MILR1: variants seen among roughly 807,000 people sequenced by gnomAD.
The protein encoded by MILR1 is mast cell immunoglobulin like receptor 1.
In MILR1, 31 loss-of-function variants were observed where a neutral mutation model predicts 18.5. That is an observed-to-expected ratio of 1.68 (90% CI 1.26 to 2.26). The LOEUF (loss-of-function observed/expected upper bound fraction) is 2.26, where lower values mean the gene tolerates loss of function less well. Among genes scored for constraint, MILR1 ranks in the 30% most tolerant of loss-of-function variants. MILR1 has a pLI of 0.00. For synonymous variants in MILR1, 85 were observed against 56.2 expected (o/e 1.51, Z -2.30); for missense variants, 257 against 157.4 (o/e 1.63, Z -3.38).
At chr17:64,493,800 T>C in the MILR1 span, among the ~76,000 whole-genome samples, 1 of 152,200 alleles carries the variant, frequency 6.6e-6, no homozygotes, top group Non-Finnish European at 1.5e-5. Flanking sequence ...TTTTCAAATC[T>C]ATAAGAAAGT....
At chr17:64,483,081 T>C in the MILR1 span, 1 of 716,966 alleles carries the variant, frequency 1.4e-6, no homozygotes, top group Non-Finnish European at 2.5e-6. Flanking sequence ...AGTTTAAATA[T>C]AACACAAGTA....
At chr17:64,476,010 T>C in the MILR1 span, among the ~76,000 whole-genome samples, 11 of 151,876 alleles carry the variant, frequency 7.2e-5, no homozygotes, top group African/African-American at 2.7e-4. Context: ...TTTCACCATG[T>C]TGGCCAGGCT....
At chr17:64,480,279 C>T in the MILR1 span, 4 of 1,336,242 alleles carry the variant, frequency 3.0e-6, no homozygotes, top group African/African-American at 5.7e-5. Flanking sequence ...AATGAAAATA[C>T]AATTCTTACT....
At chr17:64,467,039 TTTCTTTC>T (rs1223204661) in intron 8 of MILR1, among the ~76,000 whole-genome samples, 1 of 148,416 alleles carries the variant, frequency 6.7e-6, no homozygotes, top group East Asian at 1.9e-4. Flanking sequence ...TCTTTCTTTC[TTTCTTTC>T]TTCTTTCTTT....
intron 3 of MILR1, among the ~76,000 whole-genome samples, chr17:64,455,035 A>G (rs1271086287): frequency 1.3e-5 from 2 of 152,104 alleles, no homozygotes; most frequent in South Asian, 2.1e-4. Context: ...TTTGGACATA[A>G]ACTGAGTATA....
the MILR1 span, among the ~76,000 whole-genome samples, chr17:64,496,141 A>G: frequency 1.2e-4 from 19 of 152,370 alleles, no homozygotes; most frequent in South Asian, 2.9e-3. Context: ...GCACTAAATG[A>G]CAGCACTGTG....
the MILR1 span, chr17:64,481,424 A>C: frequency 1.0e-6 from 1 of 985,340 alleles, no homozygotes; most frequent in African/African-American, 1.7e-5. Context: ...CCCAGACAGA[A>C]ATGACGACTG....
At chr17:64,461,405 A>G (rs1475493928) in intron 5 of MILR1, among the ~76,000 whole-genome samples, 5 of 151,418 alleles carry the variant, frequency 3.3e-5, no homozygotes, top group African/African-American at 1.2e-4. Context: ...CCGCCACCAT[A>G]CCCAGCTAAT....
At chr17:64,480,259 T>C in the MILR1 span, 1 of 993,772 alleles carries the variant, frequency 1.0e-6, no homozygotes, top group Non-Finnish European at 1.6e-6. Context: ...CTTGAATAAA[T>C]ACACTCTTTA....
chr17:64,492,637 C>T, the MILR1 span: 1 of 1,267,286 alleles, frequency 7.9e-7, no homozygotes, highest in East Asian at 2.3e-5. Context: ...TATGTATTAA[C>T]TATTAAATTA....
Position 64,460,932 on chromosome 17 carries a change from A to C in MILR1, c.763A>C (p.Arg255=), listed in dbSNP as rs1226074431. ...TTGGGTACTGCCCAAATACAAAACA[A>C]GTAAGTTCTTTTAGTCGCTTTACCA... The part of the protein sequence containing the change: ...AFWVLPKYKT[R]KAMRNNVPRD... The change falls in exon 5 of 10, where the codon AGA becomes CGA. Residue 255 remains arginine (R), a splice_region_variant and synonymous_variant. Transcript: ENST00000619286. The C allele has an allele frequency of 1.5e-5, 7 of 474,498 alleles. No individual in the cohort carries two copies. Among genetic ancestry groups the C allele is most frequent in the Non-Finnish European group, 2.7e-5 (7 of 258,540 alleles). 29.4% of individuals were successfully genotyped at this position (474,498 alleles called of 1,614,324 possible). A position where few individuals can be genotyped will look rare whatever the true frequency, so the allele number is the denominator to read the frequency against.
At chr17:64,477,798 ATATT>A in the MILR1 span, 4 of 1,540,836 alleles carry the variant, frequency 2.6e-6, no homozygotes, top group African/African-American at 4.2e-5. Flanking sequence ...GGAGAGAAGA[ATATT>A]TATTATACAA....
At chr17:64,473,613 G>T (rs1443956438), downstream of MILR1, among the ~76,000 whole-genome samples, 1 of 152,072 alleles carries the variant, frequency 6.6e-6, no homozygotes, top group Non-Finnish European at 1.5e-5. Context: ...GACACCTAAG[G>T]ATTTCATGAC....
chr17:64,472,602 T>TA (rs1326396300), downstream of MILR1, among the ~76,000 whole-genome samples: 2 of 151,828 alleles, frequency 1.3e-5, no homozygotes, highest in African/African-American at 4.8e-5. Flanking sequence ...ACCGTGTTTT[T>TA]ACTGTACCTT....
At chr17:64,471,884 T>C (rs2037691584), downstream of MILR1, among the ~76,000 whole-genome samples, 1 of 152,206 alleles carries the variant, frequency 6.6e-6, no homozygotes, top group African/African-American at 2.4e-5. Context: ...AGGATAAATA[T>C]GGCATCTTAA....
At chr17:64,487,649 T>G in the MILR1 span, among the ~76,000 whole-genome samples, 1 of 147,822 alleles carries the variant, frequency 6.8e-6, no homozygotes. Context: ...CAAACTCAAG[T>G]ACTGAAAGAT....
the MILR1 span, chr17:64,478,124 C>T: frequency 7.5e-6 from 6 of 800,144 alleles, no homozygotes; most frequent in African/African-American, 7.0e-5. Flanking sequence ...CCAAAAAAAC[C>T]CAACATTTTT....
chr17:64,493,588 C>A, the MILR1 span, among the ~76,000 whole-genome samples: 1 of 151,984 alleles, frequency 6.6e-6, no homozygotes, highest in Non-Finnish European at 1.5e-5. Flanking sequence ...GGGTTCATGC[C>A]ATTCTCCTGC....
At chr17:64,482,327 CT>C in the MILR1 span, among the ~76,000 whole-genome samples, 5,739 of 128,448 alleles carry the variant, frequency 0.045, 110 homozygotes, top group Middle Eastern at 0.13. Context: ...AAATTAAAAA[CT>C]TTTTTTTTTT....
Sources: allele counts gnomAD v4.1 joint callset (sites outside exome capture counted in the v4.1 genomes callset), GRCh38; gene constraint gnomAD v4.1.1; transcripts MANE v1.5; gene names NCBI Gene and HGNC (gene_info 2026-07-23, HGNC 2026-07-21).